FAM107B: variants seen among roughly 807,000 people sequenced by gnomAD.
The protein encoded by FAM107B is protein FAM107B.
Under a neutral mutation model 31.5 loss-of-function variants are expected in FAM107B, and 21 were observed. The ratio of observed to expected loss-of-function variants is 0.67; its 90% confidence interval spans 0.47 to 0.96. The LOEUF (loss-of-function observed/expected upper bound fraction) is 0.96, where lower values mean the gene tolerates loss of function less well. FAM107B is among the 40% of genes least tolerant of loss of function. The pLI, the probability that FAM107B is intolerant of heterozygous loss-of-function variation, is 0.00. For missense variants in FAM107B, 452 were observed against 377.1 expected, an observed-to-expected ratio of 1.20 and a Z score of -1.64; for synonymous variants, 157 against 141.5, an observed-to-expected ratio of 1.11 and a Z score of -0.78.
chr10:14,570,361 AGACAAGCCATAGCCACTGTGAGAAT>A (rs1851112506), intron 2 of FAM107B, among the ~76,000 whole-genome samples: 1 of 152,098 alleles, frequency 6.6e-6, no homozygotes, highest in African/African-American at 2.4e-5. Flanking sequence ...GTATGTAGCA[AGACAAGCCATAGCCACTGTGAGAAT>A]GACTGCCCAA....
intron 2 of FAM107B, among the ~76,000 whole-genome samples, 191 bp from the exon 3 acceptor site, chr10:14,530,706 G>A (rs1846887486): frequency 6.6e-6 from 1 of 152,190 alleles, no homozygotes; most frequent in African/African-American, 2.4e-5. Flanking sequence ...GAGAATGGTG[G>A]CCTGGTCTCG....
At chr10:14,667,044 A>G (rs2131471992) in intron 2 of FAM107B, among the ~76,000 whole-genome samples, 1 of 152,360 alleles carries the variant, frequency 6.6e-6, no homozygotes, top group African/African-American at 2.4e-5. Context: ...GAGAGTATTA[A>G]GATTTAGCTT....
At chr10:14,597,937 G>A (rs941578972) in intron 2 of FAM107B, among the ~76,000 whole-genome samples, 2 of 152,140 alleles carry the variant, frequency 1.3e-5, no homozygotes, top group African/African-American at 2.4e-5. Flanking sequence ...GTGACAGAGT[G>A]AGACTCTGTC....
intron 1 of FAM107B, among the ~76,000 whole-genome samples, chr10:14,720,005 G>A (rs897018149): frequency 7.0e-6 from 1 of 143,786 alleles, no homozygotes; most frequent in Admixed American, 7.1e-5. Flanking sequence ...TGTGTTGGGG[G>A]AATGCCTTCC....
At chr10:14,684,894 C>CA (rs1350485106) in intron 1 of FAM107B, among the ~76,000 whole-genome samples, 2 of 151,776 alleles carry the variant, frequency 1.3e-5, no homozygotes, top group African/African-American at 2.4e-5. Context: ...AATCTTGGCT[C>CA]ACGGCAGCCT....
chr10:14,544,382 G>A (rs1419179221), intron 2 of FAM107B, among the ~76,000 whole-genome samples: 1 of 152,122 alleles, frequency 6.6e-6, no homozygotes, highest in Non-Finnish European at 1.5e-5. Flanking sequence ...TCAAGCCACA[G>A]TTCAGCCCTA....
At chr10:14,681,304 G>C (rs1854829041) in intron 1 of FAM107B, among the ~76,000 whole-genome samples, 1 of 152,154 alleles carries the variant, frequency 6.6e-6, no homozygotes, top group South Asian at 2.1e-4. Context: ...AATCACCGTT[G>C]CAAAGGAGGC....
At chr10:14,731,548 C>G (rs544336802) in intron 1 of FAM107B, among the ~76,000 whole-genome samples, 1 of 151,956 alleles carries the variant, frequency 6.6e-6, no homozygotes, top group African/African-American at 2.4e-5. Context: ...GGTGACAGAG[C>G]GAGACTCCAT....
At chr10:14,557,016 A>C (rs1849764909) in intron 2 of FAM107B, among the ~76,000 whole-genome samples, 1 of 152,088 alleles carries the variant, frequency 6.6e-6, no homozygotes, top group Non-Finnish European at 1.5e-5. Context: ...TGATGTCCCC[A>C]CCTGGAGCGC....
intron 1 of FAM107B, among the ~76,000 whole-genome samples, chr10:14,686,520 T>C (rs1392865236): frequency 6.6e-6 from 1 of 152,198 alleles, no homozygotes; most frequent in Non-Finnish European, 1.5e-5. Flanking sequence ...ATTATGTCTA[T>C]GAGCAGAAGT....
chr10:14,641,119 T>C (rs576754183), intron 2 of FAM107B, among the ~76,000 whole-genome samples: 8 of 152,320 alleles, frequency 5.3e-5, no homozygotes, highest in African/African-American at 1.7e-4. Context: ...ACCAAATGTG[T>C]TTGCTTAAAT....
chr10:14,544,599 G>C (rs987032143), intron 2 of FAM107B, among the ~76,000 whole-genome samples: 1 of 152,152 alleles, frequency 6.6e-6, no homozygotes, highest in African/African-American at 2.4e-5. Context: ...GAATTTGTTG[G>C]CAATGTGTAG....
intron 1 of FAM107B, among the ~76,000 whole-genome samples, chr10:14,751,353 T>C (rs763250807): frequency 1.3e-5 from 2 of 152,164 alleles, no homozygotes; most frequent in African/African-American, 4.8e-5. Context: ...GCTTGGACCA[T>C]ACAGCATGGC....
At chr10:14,740,195 G>T (rs1856403459) in intron 1 of FAM107B, among the ~76,000 whole-genome samples, 1 of 152,130 alleles carries the variant, frequency 6.6e-6, no homozygotes, top group South Asian at 2.1e-4. Context: ...CCAAAACTTG[G>T]AACCAACCAA....
At chr10:14,551,691 G>GA (rs796540628) in intron 2 of FAM107B, among the ~76,000 whole-genome samples, 1 of 111,030 alleles carries the variant, frequency 9.0e-6, no homozygotes, top group Admixed American at 8.4e-5. Flanking sequence ...ATTAGCTCTG[G>GA]AAAAAAAAAT....
At chr10:14,632,982 C>G (rs554284880) in intron 2 of FAM107B, among the ~76,000 whole-genome samples, 99 of 152,058 alleles carry the variant, frequency 6.5e-4, no homozygotes, top group African/African-American at 2.2e-3. Context: ...GCAGATCACT[C>G]GAGGTCAGGA....
At chr10:14,596,009 C>A (rs189025208) in intron 2 of FAM107B, among the ~76,000 whole-genome samples, 50 of 152,312 alleles carry the variant, frequency 3.3e-4, no homozygotes, top group African/African-American at 1.2e-3. Flanking sequence ...TCCTCATGAG[C>A]CACGTCCTCA....
intron 1 of FAM107B, among the ~76,000 whole-genome samples, chr10:14,749,494 A>G (rs909553854): frequency 2.0e-5 from 3 of 152,238 alleles, no homozygotes; most frequent in Non-Finnish European, 4.4e-5. Flanking sequence ...TCCATTTACT[A>G]AAACACATAC....
intron 2 of FAM107B, among the ~76,000 whole-genome samples, chr10:14,562,568 G>C (rs978820569): frequency 6.6e-6 from 1 of 152,174 alleles, no homozygotes; most frequent in Non-Finnish European, 1.5e-5. Context: ...CCACTTGCAG[G>C]AAAACAGATG....
Sources: allele counts gnomAD v4.1 joint callset (sites outside exome capture counted in the v4.1 genomes callset), GRCh38; gene constraint gnomAD v4.1.1; transcripts MANE v1.5; gene names NCBI Gene and HGNC (gene_info 2026-07-23, HGNC 2026-07-21).